The following MGMT variants were observed in gnomAD, a reference collection of about 807,000 sequenced individuals.
MGMT encodes the protein O-6-methylguanine-DNA methyltransferase, also known as methylated-DNA--protein-cysteine methyltransferase.
In MGMT, 14 loss-of-function variants were observed where a neutral mutation model predicts 15.9. The observed-to-expected ratio is 0.88, with a 90% CI of 0.58 to 1.37. The LOEUF is 1.37. Ranked by LOEUF, MGMT falls within the 40% of genes most tolerant of loss-of-function variation. The pLI, the probability that MGMT is intolerant of heterozygous loss-of-function variation, is 0.00. For synonymous variants in MGMT, 130 were observed against 118.2 expected (o/e 1.10, Z -0.65); for missense variants, 282 against 268.1 (o/e 1.05, Z -0.36).
intron 2 of MGMT, among the ~76,000 whole-genome samples, chr10:129,572,485 G>A (rs1395326342): frequency 1.3e-5 from 2 of 152,196 alleles, no homozygotes; most frequent in Admixed American, 6.5e-5. Flanking sequence ...CGTCCTCAGA[G>A]TGTCTTCTGA....
At chr10:129,540,794 T>G (rs1846034516) in intron 2 of MGMT, among the ~76,000 whole-genome samples, 1 of 152,266 alleles carries the variant, frequency 6.6e-6, no homozygotes, top group African/African-American at 2.4e-5. Context: ...GAATGCACCT[T>G]GGATGCCATC....
intron 3 of MGMT, among the ~76,000 whole-genome samples, chr10:129,729,463 G>A (rs371264608): frequency 7.2e-5 from 11 of 152,154 alleles, no homozygotes; most frequent in Admixed American, 3.3e-4. Context: ...CGTGCCTCTC[G>A]TCCTCATTTG....
chr10:129,521,305 G>A (rs2119725290), intron 1 of MGMT, among the ~76,000 whole-genome samples: 1 of 152,276 alleles, frequency 6.6e-6, no homozygotes, highest in African/African-American at 2.4e-5. Flanking sequence ...TGCCCGGGGT[G>A]GCTGCATGCA....
intron 2 of MGMT, among the ~76,000 whole-genome samples, chr10:129,546,229 T>TCAGGGGCAGA (rs752574185): frequency 3.9e-5 from 6 of 152,102 alleles, no homozygotes; most frequent in African/African-American, 1.2e-4. Flanking sequence ...CAAGCCCAGC[T>TCAGGGGCAGA]CAGGGGCAGA....
intron 2 of MGMT, among the ~76,000 whole-genome samples, chr10:129,580,239 T>C (rs74499365): frequency 0.037 from 5,666 of 152,142 alleles, 142 homozygotes; most frequent in South Asian, 0.065. Context: ...CTGCGCAGGA[T>C]CAGGGGGATG....
At chr10:129,535,066 C>A (rs756916175) in intron 1 of MGMT, among the ~76,000 whole-genome samples, 21 of 152,202 alleles carry the variant, frequency 1.4e-4, no homozygotes, top group Non-Finnish European at 2.8e-4. Context: ...GCCCCACAGG[C>A]TCTAATTTGT....
intron 2 of MGMT, among the ~76,000 whole-genome samples, chr10:129,574,248 C>A (rs1291500961): frequency 2.0e-5 from 3 of 152,180 alleles, no homozygotes; most frequent in African/African-American, 7.2e-5. Context: ...TACGAGTGAG[C>A]AAATATATGC....
At chr10:129,564,740 T>G (rs1846333680) in intron 2 of MGMT, among the ~76,000 whole-genome samples, 1 of 145,804 alleles carries the variant, frequency 6.9e-6, no homozygotes, top group Non-Finnish European at 1.5e-5. Flanking sequence ...TCCTCTGTCT[T>G]CCTGTTTTCT....
intron 2 of MGMT, among the ~76,000 whole-genome samples, chr10:129,623,413 G>T (rs1244436171): frequency 6.6e-6 from 1 of 152,114 alleles, no homozygotes; most frequent in Non-Finnish European, 1.5e-5. Flanking sequence ...GGGGGGATAT[G>T]GCCAGTTCCC....
At chr10:129,620,002 C>T (rs1033018029) in intron 2 of MGMT, among the ~76,000 whole-genome samples, 4 of 152,216 alleles carry the variant, frequency 2.6e-5, no homozygotes, top group Non-Finnish European at 5.9e-5. Context: ...AAGCAGATAG[C>T]AGGCACTAAA....
intron 2 of MGMT, among the ~76,000 whole-genome samples, chr10:129,575,028 C>T (rs910688666): frequency 6.6e-6 from 1 of 152,076 alleles, no homozygotes; most frequent in Non-Finnish European, 1.5e-5. Flanking sequence ...CAGCATCAAA[C>T]CTTGCAGAGT....
intron 2 of MGMT, among the ~76,000 whole-genome samples, chr10:129,558,936 C>T (rs1272443430): frequency 2.0e-5 from 3 of 152,096 alleles, no homozygotes; most frequent in African/African-American, 4.8e-5. Context: ...GCTCTGGGGG[C>T]GGCGTGTGCT....
intron 2 of MGMT, among the ~76,000 whole-genome samples, chr10:129,621,127 A>C (rs889208093): frequency 7.2e-5 from 11 of 152,238 alleles, no homozygotes; most frequent in African/African-American, 2.4e-4. Context: ...TTAATTTTAA[A>C]TAATTTAAAT....
chr10:129,721,102 A>G (rs1356004478), intron 3 of MGMT, among the ~76,000 whole-genome samples: 2 of 152,124 alleles, frequency 1.3e-5, no homozygotes, highest in African/African-American at 4.8e-5. Flanking sequence ...TACTTTGGAC[A>G]AAGGAGTATT....
At chr10:129,662,654 G>A (rs946420911) in intron 2 of MGMT, among the ~76,000 whole-genome samples, 24 of 152,134 alleles carry the variant, frequency 1.6e-4, no homozygotes, top group Non-Finnish European at 7.3e-5. Context: ...GGCTTGGTAA[G>A]GCAGCCCGTA....
At chr10:129,507,286 T>C (rs1206892183) in intron 1 of MGMT, among the ~76,000 whole-genome samples, 1 of 152,184 alleles carries the variant, frequency 6.6e-6, no homozygotes, top group African/African-American at 2.4e-5. Flanking sequence ...TCCAGACGGA[T>C]GTGAATCTCC....
chr10:129,537,393 A>G (rs544405751), intron 2 of MGMT, among the ~76,000 whole-genome samples: 2 of 152,214 alleles, frequency 1.3e-5, no homozygotes, highest in African/African-American at 2.4e-5. Flanking sequence ...TTGAGACCAA[A>G]AAATAAGCAA....
At chr10:129,762,454 A>AT (rs980961090) in intron 4 of MGMT, among the ~76,000 whole-genome samples, 1 of 152,092 alleles carries the variant, frequency 6.6e-6, no homozygotes, top group African/African-American at 2.4e-5. Flanking sequence ...TAGGAGCTTG[A>AT]TTTCTCCAGA....
At chr10:129,571,749 A>T (rs947285053) in intron 2 of MGMT, among the ~76,000 whole-genome samples, 3 of 152,214 alleles carry the variant, frequency 2.0e-5, no homozygotes, top group Non-Finnish European at 1.5e-5. Flanking sequence ...ATTTCTTTAT[A>T]TTAGAACCGC....
Sources: allele counts gnomAD v4.1 joint callset (sites outside exome capture counted in the v4.1 genomes callset), GRCh38; gene constraint gnomAD v4.1.1; transcripts MANE v1.5; gene names NCBI Gene and HGNC (gene_info 2026-07-23, HGNC 2026-07-21).